RSBN1L: variants seen among roughly 807,000 people sequenced by gnomAD.
RSBN1L encodes the protein round spermatid basic protein 1 like.
Under a neutral mutation model 67.7 loss-of-function variants are expected in RSBN1L, and 30 were observed. The observed-to-expected ratio is 0.44, with a 90% confidence interval of 0.33 to 0.60. The LOEUF is 0.60. RSBN1L is among the 20% of genes least tolerant of loss of function. The pLI is 0.02. For missense variants in RSBN1L, 992 were observed against 1,031.7 expected, an observed-to-expected ratio of 0.96 and a Z score of 0.53; for synonymous variants, 433 against 387.0, an observed-to-expected ratio of 1.12 and a Z score of -1.39.
At chr7:77,744,021 T>C (rs1791448258) in intron 2 of RSBN1L, among the ~76,000 whole-genome samples, 1 of 151,988 alleles carries the variant, frequency 6.6e-6, no homozygotes, top group African/African-American at 2.4e-5. Flanking sequence ...CCACCATGTC[T>C]GGACTGTTTT....
chr7:77,775,682 G>C (rs1791904038), intron 6 of RSBN1L, among the ~76,000 whole-genome samples: 3 of 152,026 alleles, frequency 2.0e-5, no homozygotes. Flanking sequence ...AACATATTCT[G>C]TATGATTTTA....
intron 1 of RSBN1L, among the ~76,000 whole-genome samples, chr7:77,732,675 T>C (rs552906654): frequency 4.6e-5 from 7 of 152,312 alleles, no homozygotes; most frequent in African/African-American, 1.7e-4. Flanking sequence ...GATACATTAG[T>C]GGCAGATTTG....
intron 1 of RSBN1L, among the ~76,000 whole-genome samples, chr7:77,708,813 A>G (rs571071857): frequency 2.0e-5 from 3 of 152,304 alleles, no homozygotes; most frequent in African/African-American, 7.2e-5. Context: ...AGAATTGGAG[A>G]CAGATATTGA....
chr7:77,699,001 C>T (rs116954054), intron 1 of RSBN1L, among the ~76,000 whole-genome samples: 1,846 of 151,636 alleles, frequency 0.012, 21 homozygotes, highest in Non-Finnish European at 0.017. Context: ...TCTTAAATAG[C>T]GGTATTAACA....
chr7:77,696,629 C>T lies in RSBN1L; in HGVS notation c.160C>T (p.Arg54Trp). ...CCGGACTGAGGAGAAGAAGGCACCG[C>T]GGAGAGTGAACGGAGAAGGGGGCAG... ...KVRTEEKKAP[R>W]RVNGEGGSGG... The change falls in exon 1 of 8, where the codon CGG becomes TGG. Residue 54 changes from arginine (R) to tryptophan (W), a missense_variant. Transcript: ENST00000334955. 1 of 1,614,000 alleles carries T rather than the reference C, an allele frequency of 6.2e-7. No homozygotes were observed. The highest frequency in any genetic ancestry group is 8.5e-7 in the Non-Finnish European group (1 of 1,179,954).
rs376640786 is a variant in RSBN1L, at chr7:77,778,753, G to T, written c.2126G>T (p.Gly709Val). The change falls in exon 8 of 8, where the codon GGC becomes GTC. Residue 709 changes from glycine (G) to valine (V), a missense_variant. By Grantham distance (109) the Gly-to-Val change is moderately radical (BLOSUM62 -3). Coordinates refer to ENST00000334955, the MANE Select transcript of RSBN1L (RefSeq NM_198467.3). ...TSQNTATHET[G>V]TSSDSTSSVL... ...CAGAATACAGCTACTCATGAAACAGGCACATCATCAGATTCCACATCATCT... is the reference window on the plus strand; with the variant it reads ...CAGAATACAGCTACTCATGAAACAGTCACATCATCAGATTCCACATCATCT... 35 of 1,614,086 alleles carry T rather than the reference G, an allele frequency of 2.2e-5. No individual in the cohort carries two copies. The African/African-American group carries it at 3.9e-4, about 18-fold the overall frequency.
At chr7:77,758,587 T>A (rs904897077) in intron 3 of RSBN1L, among the ~76,000 whole-genome samples, 2 of 152,210 alleles carry the variant, frequency 1.3e-5, no homozygotes, top group Middle Eastern at 6.3e-3. Context: ...TTATTCATTC[T>A]TTCTTTTTTT....
At chr7:77,725,892 C>G (rs1441489613) in intron 1 of RSBN1L, among the ~76,000 whole-genome samples, 1 of 152,050 alleles carries the variant, frequency 6.6e-6, no homozygotes, top group African/African-American at 2.4e-5. Flanking sequence ...CTAAGATTAT[C>G]TAGTTTATTT....
At chr7:77,756,971 G>A (rs1390765422) in intron 3 of RSBN1L, among the ~76,000 whole-genome samples, 1 of 152,170 alleles carries the variant, frequency 6.6e-6, no homozygotes, top group African/African-American at 2.4e-5. Flanking sequence ...TGATGGTACT[G>A]ACCACCAATA....
At chr7:77,765,777 T>C (rs1446209276) in intron 4 of RSBN1L, 145 bp downstream of exon 4, 2 of 630,442 alleles carry the variant, frequency 3.2e-6, no homozygotes, top group Non-Finnish European at 5.1e-6. Flanking sequence ...AACGTTTTGG[T>C]TTTATTTGAA....
chr7:77,734,381 CT>C (rs575587621), intron 1 of RSBN1L, among the ~76,000 whole-genome samples: 1 of 151,846 alleles, frequency 6.6e-6, no homozygotes, highest in Non-Finnish European at 1.5e-5. Flanking sequence ...TTTTAGGTGA[CT>C]TTTTTTCAGT....
At chr7:77,716,061 TCA>T (rs1182669138) in intron 1 of RSBN1L, among the ~76,000 whole-genome samples, 2 of 152,168 alleles carry the variant, frequency 1.3e-5, no homozygotes, top group African/African-American at 4.8e-5. Flanking sequence ...CTTAATACTT[TCA>T]CAGTTTTTCA....
At chr7:77,703,889 A>G (rs1441798239) in intron 1 of RSBN1L, among the ~76,000 whole-genome samples, 1 of 152,140 alleles carries the variant, frequency 6.6e-6, no homozygotes, top group African/African-American at 2.4e-5. Context: ...TCCTGAGCCC[A>G]AAGGATTCTC....
rs558846614 is a variant in RSBN1L at position 77,704,084 on chromosome 7, A to G, written c.586+7029A>G. Among the ~76,000 whole-genome samples, 5 of 152,372 alleles carry G rather than the reference A, an allele frequency of 3.3e-5. No homozygotes were observed. In the East Asian group the frequency reaches 9.6e-4, roughly 29 times the overall value. On this transcript the variant is annotated intron_variant, in intron 1 of 7. Coordinates refer to ENST00000334955, the MANE Select transcript of RSBN1L (RefSeq NM_198467.3). ...TTGTTAGGCATTCATAAGGGATGCT[A>G]GTTCCTGACCTTTCTTTCATACCTA...
At chr7:77,702,372 A>G (rs1252365623) in intron 1 of RSBN1L, among the ~76,000 whole-genome samples, 1 of 152,168 alleles carries the variant, frequency 6.6e-6, no homozygotes, top group African/African-American at 2.4e-5. Context: ...TTCCTCTTCA[A>G]GGATATTAAT....
chr7:77,777,665 G>T (rs1478288109), intron 6 of RSBN1L, among the ~76,000 whole-genome samples: 1 of 151,644 alleles, frequency 6.6e-6, no homozygotes, highest in Non-Finnish European at 1.5e-5. Flanking sequence ...CTGGTTTTTA[G>T]AAATTTAGTT....
At chr7:77,766,573 G>A (rs984473926) in intron 4 of RSBN1L, among the ~76,000 whole-genome samples, 1 of 151,690 alleles carries the variant, frequency 6.6e-6, no homozygotes, top group African/African-American at 2.4e-5. Context: ...CTTATTGTGA[G>A]GTGCTAGGGC....
At chr7:77,718,543 G>C (rs1225172656) in intron 1 of RSBN1L, among the ~76,000 whole-genome samples, 3 of 152,056 alleles carry the variant, frequency 2.0e-5, no homozygotes, top group South Asian at 2.1e-4. Context: ...TGCCTGCCCC[G>C]GCCTCTCAAA....
At chr7:77,706,670 T>C (rs1157582074) in intron 1 of RSBN1L, among the ~76,000 whole-genome samples, 1 of 152,238 alleles carries the variant, frequency 6.6e-6, no homozygotes, top group Non-Finnish European at 1.5e-5. Flanking sequence ...TGGCAATCTA[T>C]TTTGATTTCA....
Sources: allele counts gnomAD v4.1 joint callset (sites outside exome capture counted in the v4.1 genomes callset), GRCh38; gene constraint gnomAD v4.1.1; transcripts MANE v1.5; gene names NCBI Gene and HGNC (gene_info 2026-07-23, HGNC 2026-07-21).